SGIP1: variants seen among roughly 807,000 people sequenced by gnomAD.
SGIP1 encodes the protein SH3-containing GRB2-like protein 3-interacting protein 1.
A neutral mutation model predicts 107.5 loss-of-function variants in SGIP1; 38 were observed. The ratio of observed to expected loss-of-function variants is 0.35; its 90% confidence interval spans 0.27 to 0.46. The LOEUF is 0.46. SGIP1 is among the 20% of genes least tolerant of loss of function. SGIP1 has a pLI of 1.00. For synonymous variants in SGIP1, 365 were observed against 366.1 expected (o/e 1.00, Z 0.03); for missense variants, 929 against 1,019.5 (o/e 0.91, Z 1.21).
At position 66,748,069 on chromosome 1, in the gene SGIP1, C is replaced by G. The variant is rs2094576060; in HGVS notation, c.*4974C>G. The G allele has an allele frequency of 6.6e-6, 1 of 151,846 alleles. No homozygotes were observed. Among genetic ancestry groups the G allele is most frequent in the Admixed American group, 6.6e-5 (1 of 15,246 alleles). The allele number at this position is 151,846 out of a possible 1,614,324, so 9.4% of individuals were successfully genotyped here. A position where few individuals can be genotyped will look rare whatever the true frequency, so the allele number is the denominator to read the frequency against. On this transcript the variant is annotated 3_prime_UTR_variant, in exon 25 of 25. Coordinates refer to ENST00000371037, the MANE Select transcript of SGIP1 (RefSeq NM_032291.4). ...TGATTAAAGGGACTATTTGGATGAC[C>G]AGCCTCACCATCTTTTACTGTGTGC...
intron 18 of SGIP1, among the ~76,000 whole-genome samples, chr1:66,710,286 T>C (rs548660867): frequency 1.3e-5 from 2 of 152,304 alleles, no homozygotes; most frequent in South Asian, 2.1e-4. Context: ...CATTTCTTTT[T>C]ATTATTTCCT....
At chr1:66,599,650 A>C (rs2065377477) in intron 1 of SGIP1, among the ~76,000 whole-genome samples, 1 of 152,198 alleles carries the variant, frequency 6.6e-6, no homozygotes. Flanking sequence ...ATGCTGCCTT[A>C]ATAGCTGCCC....
rs535616094 is a variant in SGIP1 at position 66,604,632 on chromosome 1, A to G, written c.11-21215A>G. 1.3e-4 allele frequency among the ~76,000 whole-genome samples: 20 copies of G among 152,290 alleles called. No individual in the cohort carries two copies. The South Asian group carries it at 3.5e-3, about 27-fold the overall frequency. ...AAATAGACAAAATAATGCTTATCTC[A>G]TAGGATGGTTGGGATGATGAAGTAT... is the stretch of plus-strand genomic sequence containing the variant. On this transcript the variant is annotated intron_variant, in intron 1 of 24. Transcript: ENST00000371037.
intron 12 of SGIP1, among the ~76,000 whole-genome samples, chr1:66,675,537 C>CTTTTTTTTTTTGTTTTTTT (rs141370211): frequency 9.2e-6 from 1 of 109,242 alleles, no homozygotes; most frequent in Non-Finnish European, 1.7e-5. Flanking sequence ...TTTTCTTTTT[C>CTTTTTTTTTTTGTTTTTTT]TTTCTTTTTT....
intron 20 of SGIP1, among the ~76,000 whole-genome samples, chr1:66,731,536 A>T (rs981288844): frequency 6.6e-6 from 1 of 150,702 alleles, no homozygotes; most frequent in African/African-American, 2.4e-5. Flanking sequence ...TACAAAAGTA[A>T]AAAAAAAAGA....
chr1:66,683,999 GAGCTACCGCGCCC>G (rs1461457178), intron 15 of SGIP1: 1 of 1,473,872 alleles, frequency 6.8e-7, no homozygotes, highest in African/African-American at 1.4e-5. Context: ...TTATAGGCTT[GAGCTACCGCGCCC>G]AGCCCTAAAT....
chr1:66,663,433 A>G (rs1397250177), intron 8 of SGIP1, among the ~76,000 whole-genome samples: 3 of 152,206 alleles, frequency 2.0e-5, no homozygotes, highest in Admixed American at 2.0e-4. Flanking sequence ...AAAATTGTGA[A>G]CAGGAAAAGA....
chr1:66,601,842 G>GAGGAA (rs1182916474), intron 1 of SGIP1, among the ~76,000 whole-genome samples: 1 of 152,148 alleles, frequency 6.6e-6, no homozygotes, highest in Non-Finnish European at 1.5e-5. Context: ...TTTCCTGACT[G>GAGGAA]ATTAATGAGT....
chr1:66,717,251 C>T (rs1253342707), intron 18 of SGIP1, among the ~76,000 whole-genome samples: 2 of 152,140 alleles, frequency 1.3e-5, no homozygotes, highest in East Asian at 1.9e-4. Context: ...GTGGCCTCAA[C>T]AGTTAGAGAA....
chr1:66,744,548 T>A lies in SGIP1; in HGVS notation c.*1453T>A, dbSNP rs191195734. On this transcript the variant is annotated 3_prime_UTR_variant, in exon 25 of 25. Transcript: ENST00000371037. ...TATTAAATAGCTGTAATTATTAAGT[T>A]ATTATTTTTATAATTAGTTGTTAAA... The A allele has an allele frequency of 1.3e-5, 2 of 152,238 alleles. No homozygotes were observed. Among genetic ancestry groups the A allele is most frequent in the East Asian group, 1.9e-4 (1 of 5,192 alleles). 9.4% of individuals were successfully genotyped at this position (152,238 alleles called of 1,614,324 possible).
At chr1:66,707,787 T>C (rs1039782166) in intron 18 of SGIP1, among the ~76,000 whole-genome samples, 1 of 152,138 alleles carries the variant, frequency 6.6e-6, no homozygotes, top group African/African-American at 2.4e-5. Flanking sequence ...TTAGTGCTTC[T>C]CAAACTTTTT....
chr1:66,540,510 C>G (rs920833113), intron 1 of SGIP1, among the ~76,000 whole-genome samples: 1 of 152,112 alleles, frequency 6.6e-6, no homozygotes, highest in Non-Finnish European at 1.5e-5. Context: ...TGGTTTATGA[C>G]CAAGCCTGAA....
chr1:66,690,362 G>C, intron 17 of SGIP1, 46 bp downstream of exon 17: 1 of 1,608,512 alleles, frequency 6.2e-7, no homozygotes, highest in South Asian at 1.1e-5. Context: ...GTTTTGACTG[G>C]CTATTTTTTA....
chr1:66,730,754 A>T (rs534875174), intron 20 of SGIP1, among the ~76,000 whole-genome samples: 109 of 152,122 alleles, frequency 7.2e-4, no homozygotes, highest in African/African-American at 2.5e-3. Context: ...ATCTCCCACC[A>T]TCCTGCCTCA....
chr1:66,636,151 C>T (rs547616596), intron 4 of SGIP1, 136 bp downstream of exon 4: 8 of 788,320 alleles, frequency 1.0e-5, no homozygotes, highest in African/African-American at 5.2e-5. Context: ...TTCCAAATGA[C>T]TTCTTGAATG....
At position 66,660,207 on chromosome 1, in the gene SGIP1, GAAAGAA is replaced by G. The variant is rs1557505496; in HGVS notation, c.460-304_460-299del. On this transcript the variant is annotated intron_variant, in intron 7 of 24. Transcript: ENST00000371037. ...AGAAAGAAAGAAAGAAAGAAAGAAA[GAAAGAA>G]AGAGAAAGAAAGAAAGAGGGAGGGA... 14 of 176,522 alleles carry G rather than the reference GAAAGAA, an allele frequency of 7.9e-5. 1 individual carries two copies. Among genetic ancestry groups the G allele is most frequent in the Non-Finnish European group, 1.2e-4 (13 of 110,492 alleles). 10.9% of individuals were successfully genotyped at this position (176,522 alleles called of 1,614,324 possible).
chr1:66,706,016 A>G (rs1432543193), intron 18 of SGIP1, among the ~76,000 whole-genome samples: 1 of 152,174 alleles, frequency 6.6e-6, no homozygotes, highest in Non-Finnish European at 1.5e-5. Flanking sequence ...CTGTACATGT[A>G]TCCCGGAACT....
intron 1 of SGIP1, among the ~76,000 whole-genome samples, chr1:66,549,935 G>T (rs1466583009): frequency 6.6e-6 from 1 of 152,050 alleles, no homozygotes; most frequent in Admixed American, 6.6e-5. Context: ...CATCACAACT[G>T]CCCTGTTGCT....
chr1:66,690,868 T>A (rs1374983614), intron 17 of SGIP1, among the ~76,000 whole-genome samples: 1 of 152,200 alleles, frequency 6.6e-6, no homozygotes, highest in Non-Finnish European at 1.5e-5. Context: ...CCCAGAGAAA[T>A]AAGCCGTTGG....
Sources: allele counts gnomAD v4.1 joint callset (sites outside exome capture counted in the v4.1 genomes callset), GRCh38; gene constraint gnomAD v4.1.1; transcripts MANE v1.5; gene names NCBI Gene and HGNC (gene_info 2026-07-23, HGNC 2026-07-21).